PTPRN2: variants seen among roughly 807,000 people sequenced by gnomAD.
PTPRN2 encodes the protein protein tyrosine phosphatase receptor type N2.
Under a neutral mutation model 118.8 loss-of-function variants are expected in PTPRN2, and 74 were observed. That is an observed-to-expected ratio of 0.62 (90% confidence interval 0.52 to 0.76). The LOEUF is 0.76. Ranked by LOEUF, PTPRN2 falls within the 30% of genes least tolerant of loss-of-function variation. The pLI, the probability that PTPRN2 is intolerant of heterozygous loss-of-function variation, is 0.00. For missense variants in PTPRN2, 1,481 were observed against 1,394.4 expected (o/e 1.06, Z -0.99); for synonymous variants, 641 against 608.0 (o/e 1.05, Z -0.80).
intron 2 of PTPRN2, among the ~76,000 whole-genome samples, chr7:158,355,962 C>T (rs1808357156): frequency 6.6e-6 from 1 of 152,202 alleles, no homozygotes; most frequent in South Asian, 2.1e-4. Flanking sequence ...GCGCCACCAC[C>T]CAGCCTAGCA....
chr7:158,120,908 C>G (rs573915902), intron 9 of PTPRN2, among the ~76,000 whole-genome samples: 31 of 152,338 alleles, frequency 2.0e-4, no homozygotes, highest in Admixed American at 7.2e-4. Context: ...TGACCCACCA[C>G]AGCCGGCTCA....
chr7:158,479,892 G>A (rs1229065971), intron 2 of PTPRN2, among the ~76,000 whole-genome samples: 1 of 152,266 alleles, frequency 6.6e-6, no homozygotes, highest in Non-Finnish European at 1.5e-5. Context: ...TGTGGGAGCG[G>A]GGGCTCCTGC....
At chr7:158,123,717 A>G (rs1273711196) in intron 9 of PTPRN2, among the ~76,000 whole-genome samples, 1 of 152,218 alleles carries the variant, frequency 6.6e-6, no homozygotes, top group African/African-American at 2.4e-5. Flanking sequence ...TGCTCACTAT[A>G]AACACTTTTT....
chr7:158,342,135 G>GACATC (rs1806977573), intron 2 of PTPRN2, among the ~76,000 whole-genome samples: 2 of 90,230 alleles, frequency 2.2e-5, no homozygotes, highest in African/African-American at 3.9e-5. Context: ...CATAAGAGCT[G>GACATC]TCGCCCGCAG....
intron 11 of PTPRN2, among the ~76,000 whole-genome samples, chr7:157,948,769 T>A (rs925721708): frequency 1.3e-5 from 2 of 152,222 alleles, no homozygotes; most frequent in Admixed American, 6.5e-5. Flanking sequence ...CTACATGATG[T>A]TCAAAATAAA....
At chr7:158,276,448 G>A (rs1354759073) in intron 3 of PTPRN2, among the ~76,000 whole-genome samples, 1 of 113,248 alleles carries the variant, frequency 8.8e-6, no homozygotes, top group African/African-American at 3.5e-5. Context: ...CCCACACCCC[G>A]GCCCCAACAG....
At chr7:157,966,054 G>A (rs1332245545) in intron 11 of PTPRN2, among the ~76,000 whole-genome samples, 1 of 151,934 alleles carries the variant, frequency 6.6e-6, no homozygotes, top group Non-Finnish European at 1.5e-5. Flanking sequence ...CAGGAGAACT[G>A]CAGTTTTATC....
intron 1 of PTPRN2, among the ~76,000 whole-genome samples, chr7:158,571,272 G>A (rs1201154497): frequency 6.6e-6 from 1 of 151,460 alleles, no homozygotes; most frequent in African/African-American, 2.4e-5. Context: ...ATCACCTGAG[G>A]TCAGGAGTTT....
At chr7:158,494,140 T>C (rs183952052) in intron 1 of PTPRN2, among the ~76,000 whole-genome samples, 81 of 152,342 alleles carry the variant, frequency 5.3e-4, no homozygotes, top group African/African-American at 1.9e-3. Context: ...TTGTTCATTG[T>C]GGAAATACAG....
intron 7 of PTPRN2, among the ~76,000 whole-genome samples, chr7:158,137,895 T>A (rs760431511): frequency 1.3e-5 from 2 of 152,004 alleles, no homozygotes; most frequent in African/African-American, 2.4e-5. Flanking sequence ...GCCTTCTGCT[T>A]CCCCAGCAGC....
intron 13 of PTPRN2, among the ~76,000 whole-genome samples, chr7:157,672,881 A>G (rs2150784545): frequency 6.6e-6 from 1 of 152,276 alleles, no homozygotes; most frequent in African/African-American, 2.4e-5. Flanking sequence ...GAATCTTCCC[A>G]TCTGTTCTTC....
At chr7:158,395,836 G>A (rs62478405) in intron 2 of PTPRN2, among the ~76,000 whole-genome samples, 23,289 of 86,390 alleles carry the variant, frequency 0.27, 5,094 homozygotes, top group East Asian at 0.65. Flanking sequence ...GGCCTGCGCC[G>A]CCTTGGATCC....
At chr7:158,392,059 G>A (rs1811970678) in intron 2 of PTPRN2, among the ~76,000 whole-genome samples, 2 of 152,322 alleles carry the variant, frequency 1.3e-5, no homozygotes, top group East Asian at 3.9e-4. Context: ...GCCATACCCA[G>A]GGGAGGGAAT....
chr7:158,069,431 T>C (rs1811037082), intron 11 of PTPRN2, among the ~76,000 whole-genome samples: 1 of 152,210 alleles, frequency 6.6e-6, no homozygotes, highest in Non-Finnish European at 1.5e-5. Context: ...AAACTCCTGG[T>C]AAGTGATGCT....
Position 158,555,693 on chromosome 7 carries a change from G to A in PTPRN2, c.112+31865C>T, listed in dbSNP as rs182028952. The stretch of plus-strand genomic sequence containing the variant: ...TCACAGAAGCTGGCAACAGAGTCAG[G>A]AATCTGAAGGGTAAAGGGAGCTCTT... On this transcript the variant is annotated intron_variant, in intron 1 of 22. Transcript: ENST00000389418. This position sits in a 1 kb window ranked among gnomAD's most constrained non-coding sequence, Gnocchi z 4.7. Among the ~76,000 whole-genome samples, 278 of 152,236 alleles carry A rather than the reference G, an allele frequency of 1.8e-3. 1 individual carries two copies. The highest frequency in any genetic ancestry group is 6.2e-3 in the African/African-American group (259 of 41,510).
intron 1 of PTPRN2, among the ~76,000 whole-genome samples, chr7:158,566,879 C>A (rs1036008423): frequency 1.3e-5 from 2 of 152,082 alleles, no homozygotes; most frequent in Non-Finnish European, 2.9e-5. Flanking sequence ...CCACACCAAG[C>A]AAATTTTTGT....
At chr7:158,246,160 T>C (rs1585965914) in intron 3 of PTPRN2, among the ~76,000 whole-genome samples, 1 of 152,138 alleles carries the variant, frequency 6.6e-6, no homozygotes, top group Non-Finnish European at 1.5e-5. Context: ...GATAATTTGA[T>C]TTATTTAAAA....
chr7:158,243,790 AC>A (rs1796028483), intron 3 of PTPRN2, among the ~76,000 whole-genome samples: 1 of 98,490 alleles, frequency 1.0e-5, no homozygotes, highest in African/African-American at 3.3e-5. Flanking sequence ...ACTAGTCACT[AC>A]TATATATCTC....
intron 13 of PTPRN2, among the ~76,000 whole-genome samples, chr7:157,659,178 CAT>C (rs1266542790): frequency 6.6e-6 from 1 of 151,654 alleles, no homozygotes; most frequent in Admixed American, 6.6e-5. Context: ...GCTTCGGACT[CAT>C]AGCGAGATAC....
Sources: gnomAD v4.1 joint callset for allele counts (sites outside exome capture counted in the v4.1 genomes callset) on GRCh38, gnomAD v4.1.1 for gene constraint, Gnocchi (gnomAD v3.1) non-coding constraint, MANE v1.5 for transcripts, NCBI Gene and HGNC (gene_info 2026-07-23, HGNC 2026-07-21) for gene names.